Variants in STXBP6 observed in about 807,000 individuals in gnomAD.
The protein encoded by STXBP6 is syntaxin binding protein 6, also known as syntaxin-binding protein 6.
A neutral mutation model predicts 26.9 loss-of-function variants in STXBP6; 21 were observed. The observed-to-expected ratio is 0.78, with a 90% CI of 0.55 to 1.12. STXBP6 has a LOEUF of 1.12. Ranked by LOEUF, STXBP6 falls within the 50% of genes most tolerant of loss-of-function variation. The pLI, the probability that STXBP6 is intolerant of heterozygous loss-of-function variation, is 0.00. For missense variants in STXBP6, 232 were observed against 257.9 expected (o/e 0.90, Z 0.69); for synonymous variants, 97 against 92.6 (o/e 1.05, Z -0.27).
At chr14:25,011,059 T>G (rs1723994570) in intron 1 of STXBP6, among the ~76,000 whole-genome samples, 1 of 152,200 alleles carries the variant, frequency 6.6e-6, no homozygotes, top group Admixed American at 6.5e-5. Flanking sequence ...AATGGCAGAT[T>G]TAATGTTGAG....
intron 2 of STXBP6, among the ~76,000 whole-genome samples, chr14:24,869,665 A>G (rs1205049566): frequency 6.6e-6 from 1 of 152,180 alleles, no homozygotes; most frequent in Non-Finnish European, 1.5e-5. Flanking sequence ...ATGAGCCACA[A>G]CTGTCAAAAC....
rs539318299 is a variant in STXBP6 at position 24,934,780 on chromosome 14, G to A, written c.154+39885C>T. On this transcript the variant is annotated intron_variant, in intron 2 of 5. Coordinates refer to ENST00000323944, the MANE Select transcript of STXBP6 (RefSeq NM_001394410.1). ...GGAAAAATAAGAAGTATAATAATTT[G>A]TTTATAAAATCAATAAAGTCACTCT... Among the ~76,000 whole-genome samples, 8 of 152,142 alleles carry A rather than the reference G, an allele frequency of 5.3e-5. No individual in the cohort carries two copies. The South Asian group carries it at 1.7e-3, about 32-fold the overall frequency.
chr14:24,814,305 C>T (rs1165221340), intron 5 of STXBP6, among the ~76,000 whole-genome samples: 1 of 152,258 alleles, frequency 6.6e-6, no homozygotes, highest in East Asian at 1.9e-4. Flanking sequence ...TGAACCTCAT[C>T]ACTCTACGGC....
intron 2 of STXBP6, among the ~76,000 whole-genome samples, chr14:24,888,193 C>A (rs2070658652): frequency 6.6e-6 from 1 of 152,280 alleles, no homozygotes; most frequent in South Asian, 2.1e-4. Flanking sequence ...TTTAAAGGCA[C>A]AAACCCAAAG....
chr14:25,009,595 G>A (rs769062425), intron 1 of STXBP6, among the ~76,000 whole-genome samples: 3 of 152,102 alleles, frequency 2.0e-5, no homozygotes, highest in Non-Finnish European at 2.9e-5. Flanking sequence ...GCACGCCATC[G>A]CCACAACGTC....
intron 2 of STXBP6, among the ~76,000 whole-genome samples, chr14:24,953,799 G>C (rs754748909): frequency 1.3e-5 from 2 of 152,206 alleles, no homozygotes; most frequent in Non-Finnish European, 2.9e-5. Flanking sequence ...AGAATTCTAA[G>C]CTGGTGGCCA....
intron 1 of STXBP6, among the ~76,000 whole-genome samples, chr14:24,995,614 T>C (rs1393101800): frequency 6.6e-6 from 1 of 152,160 alleles, no homozygotes; most frequent in African/African-American, 2.4e-5. Flanking sequence ...ATGGACTTCC[T>C]AACAAAACTG....
chr14:24,932,520 T>TA (rs906040210), intron 2 of STXBP6, among the ~76,000 whole-genome samples: 2 of 151,744 alleles, frequency 1.3e-5, no homozygotes, highest in South Asian at 2.1e-4. Flanking sequence ...ATCCTGTCTC[T>TA]AAAAAAAATA....
intron 2 of STXBP6, among the ~76,000 whole-genome samples, chr14:24,898,770 A>G (rs1002916153): frequency 6.6e-6 from 1 of 152,230 alleles, no homozygotes; most frequent in African/African-American, 2.4e-5. Context: ...AGAGAATACC[A>G]AAAGCATTCT....
At chr14:24,918,539 G>A (rs573309180) in intron 2 of STXBP6, among the ~76,000 whole-genome samples, 5 of 149,228 alleles carry the variant, frequency 3.4e-5, no homozygotes, top group African/African-American at 1.2e-4. Context: ...ATCTTGTTTA[G>A]TTGGTGAAAT....
chr14:24,857,967 G>A (rs961240490), intron 2 of STXBP6, among the ~76,000 whole-genome samples: 1 of 151,818 alleles, frequency 6.6e-6, no homozygotes, highest in Non-Finnish European at 1.5e-5. Context: ...GTCTTTAAAG[G>A]GATTTCCTAA....
intron 2 of STXBP6, among the ~76,000 whole-genome samples, chr14:24,858,688 G>A (rs762360053): frequency 6.6e-6 from 1 of 151,974 alleles, no homozygotes; most frequent in Non-Finnish European, 1.5e-5. Context: ...CATTTAATTC[G>A]ATTCATTTAT....
At position 24,908,549 on chromosome 14, in the gene STXBP6, G is replaced by A. The variant is rs905090888; in HGVS notation, c.155-51392C>T. Among the ~76,000 whole-genome samples the A allele has an allele frequency of 8.5e-5, 13 of 152,124 alleles. 2 individuals carry two copies. Among genetic ancestry groups the A allele is most frequent in the Admixed American group, 3.9e-4 (6 of 15,266 alleles). On this transcript the variant is annotated intron_variant, in intron 2 of 5. Transcript: ENST00000323944. ...CCCTTCAATCTTGTTTCTTCTCCAC[G>A]TCCACTGTGCTCTAGACATGCTGAC...
intron 2 of STXBP6, among the ~76,000 whole-genome samples, chr14:24,874,880 G>C (rs1218494759): frequency 1.3e-5 from 2 of 152,134 alleles, no homozygotes; most frequent in Admixed American, 6.5e-5. Context: ...CTGTGAGTGG[G>C]AACACGCTCA....
At chr14:24,872,054 G>A (rs1482632227) in intron 2 of STXBP6, among the ~76,000 whole-genome samples, 1 of 152,240 alleles carries the variant, frequency 6.6e-6, no homozygotes, top group South Asian at 2.1e-4. Flanking sequence ...TATAAAGAAG[G>A]AAAATTTTCC....
At chr14:24,879,459 T>C (rs981502348) in intron 2 of STXBP6, among the ~76,000 whole-genome samples, 1 of 152,316 alleles carries the variant, frequency 6.6e-6, no homozygotes, top group East Asian at 1.9e-4. Context: ...AAAAGTTTCT[T>C]GCCCTCCTCC....
At chr14:24,993,526 T>C (rs2074525943) in intron 1 of STXBP6, among the ~76,000 whole-genome samples, 1 of 152,208 alleles carries the variant, frequency 6.6e-6, no homozygotes, top group African/African-American at 2.4e-5. Flanking sequence ...GTGCCCAGTT[T>C]TGCCTCCTTC....
chr14:24,999,314 T>C (rs1418879758), intron 1 of STXBP6, among the ~76,000 whole-genome samples: 3 of 152,136 alleles, frequency 2.0e-5, no homozygotes, highest in South Asian at 2.1e-4. Context: ...AATATCCTAC[T>C]TACAGAGGAA....
intron 2 of STXBP6, among the ~76,000 whole-genome samples, chr14:24,918,785 A>G (rs140231711): frequency 2.1e-4 from 32 of 152,218 alleles, no homozygotes; most frequent in African/African-American, 7.2e-4. Context: ...AAGCAGAATT[A>G]CAGCATCTTA....
Sources: allele counts gnomAD v4.1 joint callset (sites outside exome capture counted in the v4.1 genomes callset), GRCh38; gene constraint gnomAD v4.1.1; transcripts MANE v1.5; gene names NCBI Gene and HGNC (gene_info 2026-07-23, HGNC 2026-07-21).